Variants in PCDH15 observed in about 807,000 individuals in gnomAD.
PCDH15 encodes the protein protocadherin related 15, also known as protocadherin-15.
In PCDH15, 129 loss-of-function variants were observed where a neutral mutation model predicts 178.5. The ratio of observed to expected loss-of-function variants is 0.72; its 90% CI spans 0.63 to 0.84. The LOEUF is 0.84. Ranked by LOEUF, PCDH15 falls within the 40% of genes least tolerant of loss-of-function variation. The probability of loss-of-function intolerance (pLI) is 0.00; values close to 1 mark genes in which losing one functional copy is unlikely to be tolerated. For missense variants in PCDH15, 2,230 were observed against 2,099.9 expected, an observed-to-expected ratio of 1.06 and a Z score of -1.21; for synonymous variants, 800 against 732.0, an observed-to-expected ratio of 1.09 and a Z score of -1.50.
intron 1 of PCDH15, among the ~76,000 whole-genome samples, chr10:55,260,952 T>C (rs1019890781): frequency 1.3e-5 from 2 of 152,214 alleles, no homozygotes; most frequent in African/African-American, 4.8e-5. Flanking sequence ...AACAGATTCA[T>C]GGTGAAATCC....
chr10:55,265,475 C>T (rs935814850), intron 1 of PCDH15, among the ~76,000 whole-genome samples: 2 of 152,082 alleles, frequency 1.3e-5, no homozygotes, highest in Non-Finnish European at 2.9e-5. Flanking sequence ...GCAGTACACT[C>T]TGCAAGCAGC....
At chr10:54,168,912 C>A (rs1296149090) in intron 13 of PCDH15, among the ~76,000 whole-genome samples, 3 of 151,852 alleles carry the variant, frequency 2.0e-5, no homozygotes, top group Non-Finnish European at 2.9e-5. Flanking sequence ...TGTTGCAATT[C>A]CTTGCCTCCA....
intron 2 of PCDH15, among the ~76,000 whole-genome samples, chr10:54,943,597 G>C (rs1332365898): frequency 6.6e-6 from 1 of 151,904 alleles, no homozygotes; most frequent in Non-Finnish European, 1.5e-5. Context: ...ATGTTAAAGA[G>C]CATTGTAATG....
At chr10:55,379,887 G>C (rs551266920) in intron 2 of PCDH15, among the ~76,000 whole-genome samples, 1 of 152,150 alleles carries the variant, frequency 6.6e-6, no homozygotes, top group South Asian at 2.1e-4. Flanking sequence ...GTTTCTACCA[G>C]AGAAGGCAGT....
intron 2 of PCDH15, among the ~76,000 whole-genome samples, chr10:55,044,877 C>T (rs1265725866): frequency 6.6e-6 from 1 of 152,090 alleles, no homozygotes; most frequent in African/African-American, 2.4e-5. Flanking sequence ...TGGACTCATC[C>T]TCCAGTGATA....
chr10:54,623,601 C>A (rs777731631), intron 2 of PCDH15, among the ~76,000 whole-genome samples: 1 of 151,758 alleles, frequency 6.6e-6, no homozygotes. Context: ...ATTTCTTTGG[C>A]GAGAAATAAA....
chr10:54,317,433 G>A lies in PCDH15; in HGVS notation c.714C>T (p.Ala238=). The change falls in exon 8 of 38, where the codon GCC becomes GCT. Residue 238 remains alanine (A), a synonymous_variant. Transcript: ENST00000644397. ...YFVIIQANDR[A]QNLNERRTTT... is the part of the protein sequence containing the mutation. ...TGGTTCGCCTCTCATTCAGATTTTG[G>A]GCACGGTCCTGTTAGGGAGAAAAAC... 1 of 1,613,716 alleles carries A rather than the reference G, an allele frequency of 6.2e-7. No homozygotes were observed. The highest frequency in any genetic ancestry group is 8.5e-7 in the Non-Finnish European group (1 of 1,179,838).
intron 2 of PCDH15, among the ~76,000 whole-genome samples, chr10:54,663,237 C>T (rs1018724663): frequency 2.6e-5 from 4 of 151,816 alleles, no homozygotes; most frequent in Admixed American, 1.3e-4. Flanking sequence ...AAAATAAATG[C>T]ACATCCTTTG....
At chr10:55,164,425 ATATT>A (rs1438173001) in intron 2 of PCDH15, among the ~76,000 whole-genome samples, 2 of 150,538 alleles carry the variant, frequency 1.3e-5, no homozygotes, top group Admixed American at 6.6e-5. Flanking sequence ...TCTGTTAAAT[ATATT>A]TATTTAATAT....
intron 2 of PCDH15, among the ~76,000 whole-genome samples, chr10:54,603,366 C>G (rs1488285816): frequency 6.6e-6 from 1 of 151,478 alleles, no homozygotes; most frequent in Non-Finnish European, 1.5e-5. Flanking sequence ...CTTTTTTGTC[C>G]TTTTTAAAAT....
chr10:55,425,532 A>T (rs1373984567), intron 2 of PCDH15, among the ~76,000 whole-genome samples: 1 of 152,144 alleles, frequency 6.6e-6, no homozygotes, highest in East Asian at 1.9e-4. Context: ...AAATCATATA[A>T]CAATTTTCCA....
intron 2 of PCDH15, among the ~76,000 whole-genome samples, chr10:55,572,095 T>C (rs1170226538): frequency 6.6e-6 from 1 of 152,092 alleles, no homozygotes; most frequent in Non-Finnish European, 1.5e-5. Context: ...GTGCTCTCTT[T>C]AGAGCAGTTT....
chr10:54,161,312 C>T (rs1349433640), intron 13 of PCDH15, among the ~76,000 whole-genome samples: 1 of 152,124 alleles, frequency 6.6e-6, no homozygotes, highest in Non-Finnish European at 1.5e-5. Flanking sequence ...AAGATACATA[C>T]TATGGGACTC....
chr10:54,028,124 G>C (rs868822741), intron 18 of PCDH15, among the ~76,000 whole-genome samples: 2 of 148,982 alleles, frequency 1.3e-5, no homozygotes, highest in African/African-American at 4.9e-5. Flanking sequence ...AAAAGTGGGC[G>C]AAGGACATGA....
chr10:53,944,872 T>C (rs1441682271), intron 23 of PCDH15, among the ~76,000 whole-genome samples: 2 of 152,214 alleles, frequency 1.3e-5, no homozygotes, highest in Non-Finnish European at 2.9e-5. Flanking sequence ...TCAAAGGCCC[T>C]TTCACAAGGC....
chr10:53,985,260 G>A (rs960474071), intron 21 of PCDH15, among the ~76,000 whole-genome samples: 5 of 151,996 alleles, frequency 3.3e-5, no homozygotes, highest in Admixed American at 2.6e-4. Context: ...TTTTCATTGA[G>A]CACTCAGTTC....
intron 2 of PCDH15, among the ~76,000 whole-genome samples, chr10:55,528,880 C>T (rs1841377077): frequency 6.6e-6 from 1 of 152,148 alleles, no homozygotes; most frequent in African/African-American, 2.4e-5. Context: ...ACATCCTCTC[C>T]AGCATCTGTT....
chr10:54,123,179 TTAAAC>T (rs1253153527), intron 15 of PCDH15, among the ~76,000 whole-genome samples: 1 of 152,138 alleles, frequency 6.6e-6, no homozygotes, highest in Non-Finnish European at 1.5e-5. Flanking sequence ...TTGGACCTAA[TTAAAC>T]TAAAGAGCTT....
chr10:53,899,592 T>A (rs2082190735), intron 26 of PCDH15, among the ~76,000 whole-genome samples: 2 of 152,170 alleles, frequency 1.3e-5, no homozygotes, highest in Admixed American at 6.6e-5. Flanking sequence ...CCAAAAAAAA[T>A]TAACTTGTAT....
Sources: allele counts gnomAD v4.1 joint callset (sites outside exome capture counted in the v4.1 genomes callset), GRCh38; gene constraint gnomAD v4.1.1; transcripts MANE v1.5; gene names NCBI Gene and HGNC (gene_info 2026-07-23, HGNC 2026-07-21).